FHIT: variants seen among roughly 807,000 people sequenced by gnomAD.
FHIT encodes the protein fragile histidine triad diadenosine triphosphatase, also known as bis(5'-adenosyl)-triphosphatase.
FHIT carries 19 observed loss-of-function variants against 17.9 expected under a neutral mutation model. That is an observed-to-expected ratio of 1.06 (90% confidence interval 0.74 to 1.56). The LOEUF (loss-of-function observed/expected upper bound fraction) is 1.56, where lower values mean the gene tolerates loss of function less well. FHIT is among the 40% of genes most tolerant of loss of function. The probability of loss-of-function intolerance (pLI) is 0.00; values close to 1 mark genes in which losing one functional copy is unlikely to be tolerated. For missense variants in FHIT, 248 were observed against 189.2 expected (o/e 1.31, Z -1.82); for synonymous variants, 81 against 69.7 (o/e 1.16, Z -0.81).
chr3:60,523,070 G>C (rs759038246), intron 5 of FHIT, among the ~76,000 whole-genome samples: 2 of 152,056 alleles, frequency 1.3e-5, no homozygotes, highest in Non-Finnish European at 2.9e-5. Flanking sequence ...AGCAAATCTC[G>C]TGAGACTTAT....
chr3:60,104,390 T>C (rs12330253), intron 5 of FHIT, among the ~76,000 whole-genome samples: 41,185 of 151,928 alleles, frequency 0.27, 6,300 homozygotes, highest in Non-Finnish European at 0.35. Flanking sequence ...ACCCAAATCA[T>C]TCCAAACAAC....
At chr3:60,778,343 A>G (rs2108089495) in intron 4 of FHIT, among the ~76,000 whole-genome samples, 1 of 152,166 alleles carries the variant, frequency 6.6e-6, no homozygotes, top group East Asian at 1.9e-4. Context: ...ATAATAAGCT[A>G]TAGGACTTTG....
intron 1 of FHIT, among the ~76,000 whole-genome samples, chr3:61,225,197 G>T (rs573193666): frequency 6.6e-6 from 1 of 152,224 alleles, no homozygotes; most frequent in South Asian, 2.1e-4. Context: ...TAAATATCAG[G>T]TATAAAACAT....
intron 3 of FHIT, among the ~76,000 whole-genome samples, chr3:60,844,806 C>A (rs1043902662): frequency 6.6e-6 from 1 of 152,048 alleles, no homozygotes; most frequent in East Asian, 1.9e-4. Flanking sequence ...AAATGTTTTT[C>A]ATTTTCTTGA....
intron 3 of FHIT, among the ~76,000 whole-genome samples, chr3:61,037,633 C>T (rs985503680): frequency 6.6e-6 from 1 of 152,182 alleles, no homozygotes; most frequent in African/African-American, 2.4e-5. Context: ...GCTCTGGCCT[C>T]ATGAATGAAT....
chr3:60,046,869 T>C (rs186623161), intron 5 of FHIT, among the ~76,000 whole-genome samples: 2 of 152,294 alleles, frequency 1.3e-5, no homozygotes, highest in East Asian at 3.9e-4. Flanking sequence ...TTATCTGACA[T>C]AGTAAACAGC....
chr3:61,202,264 G>T (rs1237794903), intron 1 of FHIT, among the ~76,000 whole-genome samples: 1 of 149,698 alleles, frequency 6.7e-6, no homozygotes, highest in Admixed American at 6.7e-5. Flanking sequence ...CAACTATCTG[G>T]GAAGTGAGGG....
chr3:60,734,319 G>C (rs2042092471), intron 4 of FHIT, among the ~76,000 whole-genome samples: 2 of 152,156 alleles, frequency 1.3e-5, no homozygotes, highest in African/African-American at 4.8e-5. Flanking sequence ...CCTATCATAT[G>C]AAGGTACACA....
At chr3:60,308,823 G>A (rs1708806584) in intron 5 of FHIT, among the ~76,000 whole-genome samples, 1 of 152,050 alleles carries the variant, frequency 6.6e-6, no homozygotes, top group African/African-American at 2.4e-5. Context: ...CTTTTAATGT[G>A]AGGAATGGTT....
chr3:60,386,146 G>A (rs750788628), intron 5 of FHIT, among the ~76,000 whole-genome samples: 22 of 151,978 alleles, frequency 1.4e-4, no homozygotes, highest in Non-Finnish European at 1.8e-4. Flanking sequence ...TTTGAGCCCC[G>A]GCAGTGTGGT....
At chr3:60,281,602 C>A (rs1707457371) in intron 5 of FHIT, among the ~76,000 whole-genome samples, 1 of 144,050 alleles carries the variant, frequency 6.9e-6, no homozygotes, top group South Asian at 2.2e-4. Context: ...GCTAGAATAA[C>A]TGGACATCCA....
intron 5 of FHIT, among the ~76,000 whole-genome samples, chr3:60,296,239 A>G (rs1340660482): frequency 6.6e-6 from 1 of 152,056 alleles, no homozygotes; most frequent in Non-Finnish European, 1.5e-5. Flanking sequence ...AGGAGGGGAA[A>G]GAAGAGGAGG....
chr3:60,829,330 T>C (rs1553741847), intron 3 of FHIT, among the ~76,000 whole-genome samples: 1 of 152,226 alleles, frequency 6.6e-6, no homozygotes, highest in East Asian at 1.9e-4. Flanking sequence ...AAAACTGGAA[T>C]GCTTTCTCTG....
In FHIT at chr3:60,599,978, A is replaced by T. The variant is rs73836611; in HGVS notation, c.-17-62999T>A. On this transcript the variant is annotated intron_variant, in intron 4 of 9. Coordinates refer to ENST00000492590, the MANE Select transcript of FHIT (RefSeq NM_002012.4). ...CATCTCCTTCCCAGTAGTGACAACC[A>T]AAAATGTATCCAGATGTCGCTAAAT... 1.9e-3 allele frequency among the ~76,000 whole-genome samples: 285 copies of T among 152,286 alleles called. 2 individuals are homozygous for T. Among genetic ancestry groups the T allele is most frequent in the African/African-American group, 6.7e-3 (277 of 41,570 alleles).
At chr3:60,021,997 C>A (rs1479209251) in intron 5 of FHIT, among the ~76,000 whole-genome samples, 3 of 152,322 alleles carry the variant, frequency 2.0e-5, no homozygotes, top group African/African-American at 4.8e-5. Flanking sequence ...TACTACTATG[C>A]ATTCTGGCTT....
intron 4 of FHIT, among the ~76,000 whole-genome samples, chr3:60,712,811 C>G (rs1318517319): frequency 7.1e-6 from 1 of 141,214 alleles, no homozygotes; most frequent in Non-Finnish European, 1.6e-5. Flanking sequence ...GACTTAGACT[C>G]CCACACAATA....
intron 4 of FHIT, among the ~76,000 whole-genome samples, chr3:60,606,941 T>C (rs2038627571): frequency 6.6e-6 from 1 of 152,156 alleles, no homozygotes; most frequent in South Asian, 2.1e-4. Flanking sequence ...GTTACCTGCT[T>C]CCACTGGAAC....
chr3:60,715,343 C>T (rs751034707), intron 4 of FHIT, among the ~76,000 whole-genome samples: 4 of 151,972 alleles, frequency 2.6e-5, no homozygotes, highest in Non-Finnish European at 4.4e-5. Context: ...AGGCACTATT[C>T]GCAATAGCAA....
intron 8 of FHIT, among the ~76,000 whole-genome samples, chr3:59,796,580 C>T (rs1309409111): frequency 6.6e-6 from 1 of 152,220 alleles, no homozygotes. Context: ...TCCTCCTTCT[C>T]TCACAGCATT....
Sources: gnomAD v4.1 joint callset for allele counts (sites outside exome capture counted in the v4.1 genomes callset) on GRCh38, gnomAD v4.1.1 for gene constraint, MANE v1.5 for transcripts, NCBI Gene and HGNC (gene_info 2026-07-23, HGNC 2026-07-21) for gene names.